SHISA9: variants seen among roughly 807,000 people sequenced by gnomAD.
The protein encoded by SHISA9 is protein shisa-9.
A neutral mutation model predicts 38.0 loss-of-function variants in SHISA9; 13 were observed. That is an observed-to-expected ratio of 0.34 (90% CI 0.22 to 0.54). The LOEUF is 0.54. SHISA9 is among the 20% of genes least tolerant of loss of function. SHISA9 has a pLI of 0.91. For missense variants in SHISA9, 538 were observed against 575.8 expected, an observed-to-expected ratio of 0.93 and a Z score of 0.67; for synonymous variants, 275 against 242.0, an observed-to-expected ratio of 1.14 and a Z score of -1.27.
the SHISA9 span, among the ~76,000 whole-genome samples, chr16:13,469,385 G>GAA: frequency 8.2e-3 from 744 of 90,638 alleles, 3 homozygotes; most frequent in Non-Finnish European, 9.7e-3. Flanking sequence ...AAGAAAGAAA[G>GAA]AAAGAAAGAA....
chr16:13,523,614 A>T, the SHISA9 span, among the ~76,000 whole-genome samples: 1 of 152,312 alleles, frequency 6.6e-6, no homozygotes, highest in South Asian at 2.1e-4. Flanking sequence ...GGAGCAAACA[A>T]GAGCGATGGG....
intron 2 of SHISA9, among the ~76,000 whole-genome samples, chr16:13,076,029 ATTTT>A (rs35313169): frequency 1.5e-5 from 2 of 135,484 alleles, no homozygotes; most frequent in African/African-American, 2.8e-5. Flanking sequence ...TGAGAAATAG[ATTTT>A]TTTTTTTTTT....
chr16:12,949,575 G>A (rs1253486449), intron 2 of SHISA9, among the ~76,000 whole-genome samples: 1 of 152,048 alleles, frequency 6.6e-6, no homozygotes, highest in Non-Finnish European at 1.5e-5. Flanking sequence ...AATACACACT[G>A]GATTTTGAAG....
intron 2 of SHISA9, among the ~76,000 whole-genome samples, chr16:12,929,212 A>G (rs1372664118): frequency 6.6e-6 from 1 of 152,206 alleles, no homozygotes; most frequent in Admixed American, 6.5e-5. Flanking sequence ...TAGTTCAACC[A>G]TTGTGGGAGA....
At chr16:13,286,215 AAACCAAGCT>A in the SHISA9 span, among the ~76,000 whole-genome samples, 6 of 152,108 alleles carry the variant, frequency 3.9e-5, no homozygotes. Context: ...AAAATGTATA[AAACCAAGCT>A]AACCAAGCTA....
chr16:13,262,474 T>G, the SHISA9 span, among the ~76,000 whole-genome samples: 1 of 152,210 alleles, frequency 6.6e-6, no homozygotes, highest in South Asian at 2.1e-4. Context: ...TCAGGTTGTA[T>G]CACACTTGTT....
At chr16:13,317,350 C>G in the SHISA9 span, among the ~76,000 whole-genome samples, 1 of 152,186 alleles carries the variant, frequency 6.6e-6, no homozygotes, top group Non-Finnish European at 1.5e-5. Context: ...CAGACAACCC[C>G]GTTGAGGATT....
At chr16:13,387,827 A>G in the SHISA9 span, among the ~76,000 whole-genome samples, 62 of 151,994 alleles carry the variant, frequency 4.1e-4, no homozygotes, top group Middle Eastern at 3.4e-3. Flanking sequence ...GATGAAAATG[A>G]CTCGCTAACT....
chr16:13,111,963 C>A (rs1356851382), intron 2 of SHISA9, among the ~76,000 whole-genome samples: 3 of 152,140 alleles, frequency 2.0e-5, no homozygotes, highest in African/African-American at 7.2e-5. Context: ...AGGAAACTTG[C>A]CTAAAGACAC....
intron 2 of SHISA9, among the ~76,000 whole-genome samples, chr16:13,173,720 A>G (rs908658293): frequency 6.6e-6 from 1 of 152,180 alleles, no homozygotes; most frequent in African/African-American, 2.4e-5. Flanking sequence ...CAAGATGTCA[A>G]TTGTGCCGAG....
At chr16:13,459,216 G>C in the SHISA9 span, among the ~76,000 whole-genome samples, 1 of 152,154 alleles carries the variant, frequency 6.6e-6, no homozygotes, top group African/African-American at 2.4e-5. Context: ...CTAGATATTT[G>C]TAGGATGTGC....
the SHISA9 span, among the ~76,000 whole-genome samples, chr16:13,529,464 A>C: frequency 3.3e-5 from 5 of 152,220 alleles, no homozygotes; most frequent in Non-Finnish European, 7.3e-5. Flanking sequence ...ACTTCAAGAT[A>C]TCTCACCATT....
the SHISA9 span, among the ~76,000 whole-genome samples, chr16:13,309,681 G>A: frequency 6.7e-6 from 1 of 148,776 alleles, no homozygotes; most frequent in African/African-American, 2.5e-5. Flanking sequence ...AGAAAAAATA[G>A]TTAACATGCC....
intron 2 of SHISA9, among the ~76,000 whole-genome samples, chr16:13,077,353 C>T (rs1330789625): frequency 2.6e-5 from 4 of 151,998 alleles, no homozygotes; most frequent in African/African-American, 9.7e-5. Context: ...AACACCCCCA[C>T]ATTGACTTGT....
Position 13,134,917 on chromosome 16 carries a change from G to C in SHISA9, c.692-68477G>C, listed in dbSNP as rs141417270. 4.2e-3 allele frequency among the ~76,000 whole-genome samples: 641 copies of C among 152,246 alleles called. 6 individuals are homozygous for C. The highest frequency in any genetic ancestry group is 0.015 in the African/African-American group (610 of 41,550). ...TGTGGGACATCCTGGACTCTTAGCA[G>C]AGAGGGAAAAAGAGACCTGCAATGA... On this transcript the variant is annotated intron_variant, in intron 2 of 4. Transcript: ENST00000558583.
intron 1 of SHISA9, among the ~76,000 whole-genome samples, chr16:12,908,129 A>ACATGGCTACAGCTCAG (rs55838036): frequency 6.6e-6 from 1 of 152,016 alleles, no homozygotes; most frequent in African/African-American, 2.4e-5. Flanking sequence ...AGGACCTGTC[A>ACATGGCTACAGCTCAG]CAACTATTAC....
intron 2 of SHISA9, among the ~76,000 whole-genome samples, chr16:13,066,099 T>G (rs2073431626): frequency 6.6e-6 from 1 of 152,178 alleles, no homozygotes; most frequent in South Asian, 2.1e-4. Context: ...GATACGAACT[T>G]TCAGAGCCAG....
the SHISA9 span, among the ~76,000 whole-genome samples, chr16:13,263,967 A>G: frequency 6.6e-6 from 1 of 152,174 alleles, no homozygotes; most frequent in Admixed American, 6.5e-5. Flanking sequence ...TTTTTCAAAA[A>G]GGAGAGTCAG....
chr16:13,495,147 C>T, the SHISA9 span, among the ~76,000 whole-genome samples: 7 of 152,134 alleles, frequency 4.6e-5, no homozygotes, highest in Non-Finnish European at 7.4e-5. Context: ...TGAGTGTAGT[C>T]GTGATTCCAT....
Sources: allele counts gnomAD v4.1 joint callset (sites outside exome capture counted in the v4.1 genomes callset), GRCh38; gene constraint gnomAD v4.1.1; transcripts MANE v1.5; gene names NCBI Gene and HGNC (gene_info 2026-07-23, HGNC 2026-07-21).